The following LRP1B variants were observed in gnomAD, a reference collection of about 807,000 sequenced individuals.
LRP1B encodes low-density lipoprotein receptor-related protein 1B.
A neutral mutation model predicts 556.6 loss-of-function variants in LRP1B; 217 were observed. That is an observed-to-expected ratio of 0.39 (90% CI 0.35 to 0.44). The LOEUF is 0.44. Among genes scored for constraint, LRP1B ranks in the 20% least tolerant of loss-of-function variants. The pLI is 1.00. For missense variants in LRP1B, 5,053 were observed against 5,620.8 expected, an observed-to-expected ratio of 0.90 and a Z score of 3.23; for synonymous variants, 2,047 against 1,865.8, an observed-to-expected ratio of 1.10 and a Z score of -2.50.
rs550892448 is a variant in LRP1B, at chr2:141,963,081, C to A, written c.83-152680G>T. Among the ~76,000 whole-genome samples, 127 of 151,772 alleles carry A rather than the reference C, an allele frequency of 8.4e-4. No homozygotes were observed. The Middle Eastern group carries it at 0.014, about 16-fold the overall frequency. On this transcript the variant is annotated intron_variant, in intron 1 of 90. Coordinates refer to ENST00000389484, the MANE Select transcript of LRP1B (RefSeq NM_018557.3). ...GAGAACACAAGAGGGTTTTTTCTAT[C>A]TAAAAATCAATTATAGGCCAAAAAT...
intron 1 of LRP1B, among the ~76,000 whole-genome samples, chr2:141,887,519 G>GA (rs1254661032): frequency 6.6e-6 from 1 of 151,514 alleles, no homozygotes; most frequent in Non-Finnish European, 1.5e-5. Flanking sequence ...ATCATTTTTT[G>GA]AAAAAAATGA....
intron 1 of LRP1B, among the ~76,000 whole-genome samples, chr2:142,017,118 T>C (rs1362415549): frequency 6.6e-6 from 1 of 151,786 alleles, no homozygotes; most frequent in Non-Finnish European, 1.5e-5. Flanking sequence ...AAAATACTGA[T>C]ACTTGATAGA....
At chr2:141,016,859 T>C (rs1486829601) in intron 12 of LRP1B, among the ~76,000 whole-genome samples, 1 of 152,062 alleles carries the variant, frequency 6.6e-6, no homozygotes, top group East Asian at 1.9e-4. Context: ...TTAGATCCCC[T>C]GCCTCCCCCA....
chr2:141,986,765 G>C (rs1702198910), intron 1 of LRP1B, among the ~76,000 whole-genome samples: 1 of 151,930 alleles, frequency 6.6e-6, no homozygotes, highest in Admixed American at 6.6e-5. Flanking sequence ...TCTGCATCTA[G>C]TTCTACAAAA....
At chr2:141,299,136 C>T (rs905539644) in intron 3 of LRP1B, among the ~76,000 whole-genome samples, 7 of 152,000 alleles carry the variant, frequency 4.6e-5, no homozygotes, top group African/African-American at 1.2e-4. Flanking sequence ...ACAGTGTCCT[C>T]GAACTTCAGT....
intron 41 of LRP1B, among the ~76,000 whole-genome samples, chr2:140,624,351 C>G (rs538835044): frequency 6.6e-6 from 1 of 152,088 alleles, no homozygotes; most frequent in Non-Finnish European, 1.5e-5. Flanking sequence ...TTATCAAGAA[C>G]GTTGGCATCG....
chr2:141,889,742 A>G (rs1040135701), intron 1 of LRP1B, among the ~76,000 whole-genome samples: 1 of 152,180 alleles, frequency 6.6e-6, no homozygotes, highest in African/African-American at 2.4e-5. Flanking sequence ...AAATTACTCT[A>G]GCCTAATAAT....
chr2:142,059,441 G>A (rs938207597), intron 1 of LRP1B, among the ~76,000 whole-genome samples: 4 of 152,062 alleles, frequency 2.6e-5, no homozygotes, highest in Non-Finnish European at 5.9e-5. Flanking sequence ...CATACTAATT[G>A]ACAAAATGGT....
At chr2:141,661,833 C>T (rs184960341) in intron 2 of LRP1B, among the ~76,000 whole-genome samples, 23 of 152,168 alleles carry the variant, frequency 1.5e-4, no homozygotes, top group African/African-American at 4.8e-4. Flanking sequence ...CCAGAGAACC[C>T]CAGTAAGAAA....
Position 140,320,424 on chromosome 2 carries a change from T to C in LRP1B, c.12640+1539A>G, listed in dbSNP as rs556424621. On this transcript the variant is annotated intron_variant, in intron 82 of 90. Transcript: ENST00000389484. The stretch of plus-strand genomic sequence containing the variant: ...CAGCAGAGAACAAAGAGAAAAATCA[T>C]GCAGAGGTGGAGATGCTGACTGTGA... Among the ~76,000 whole-genome samples, 32 of 152,228 alleles carry C rather than the reference T, an allele frequency of 2.1e-4. No homozygotes were observed. In the South Asian group the frequency reaches 2.7e-3, roughly 13 times the overall value.
chr2:141,531,476 G>A (rs1229748948), intron 2 of LRP1B, among the ~76,000 whole-genome samples: 2 of 151,916 alleles, frequency 1.3e-5, no homozygotes, highest in South Asian at 2.1e-4. Flanking sequence ...TCATAAAATC[G>A]ACTGTGTCAT....
chr2:140,813,122 T>C (rs1423668259), intron 32 of LRP1B, among the ~76,000 whole-genome samples: 4 of 152,186 alleles, frequency 2.6e-5, no homozygotes, highest in East Asian at 3.9e-4. Flanking sequence ...ACCTAGCACC[T>C]TTTTTTCCCT....
chr2:140,857,624 G>A (rs1189984386), intron 27 of LRP1B, among the ~76,000 whole-genome samples: 1 of 152,068 alleles, frequency 6.6e-6, no homozygotes, highest in African/African-American at 2.4e-5. Context: ...AGGGAGCAAT[G>A]TTCCTCAAAT....
At chr2:140,499,195 T>C (rs1689077429) in intron 55 of LRP1B, among the ~76,000 whole-genome samples, 1 of 151,930 alleles carries the variant, frequency 6.6e-6, no homozygotes, top group Non-Finnish European at 1.5e-5. Flanking sequence ...CTGGATGATA[T>C]TGTCTTCTAC....
intron 1 of LRP1B, among the ~76,000 whole-genome samples, chr2:141,999,324 C>A (rs1253461374): frequency 6.6e-6 from 1 of 151,970 alleles, no homozygotes; most frequent in East Asian, 1.9e-4. Context: ...CCATCAGTTG[C>A]TTGGAAGGCT....
rs1286682057 is a variant in LRP1B, at chr2:141,544,352, C to CTT, written c.206-63821_206-63820dup. 2.5e-3 allele frequency among the ~76,000 whole-genome samples: 224 copies of CTT among 89,592 alleles called. 2 individuals are homozygous for CTT. The highest frequency in any genetic ancestry group is 2.7e-3 in the Non-Finnish European group (112 of 42,136). The allele number at this position is 89,592 out of a possible 152,430, so 58.8% of individuals were successfully genotyped here. On this transcript the variant is annotated intron_variant, in intron 2 of 90. Coordinates refer to ENST00000389484, the MANE Select transcript of LRP1B (RefSeq NM_018557.3). ...TCTTCTTCTTCTTCTTCTTCTTCTT[C>CTT]TTCTTCTTCTTCTTCTTCTTCTTCT... is the stretch of plus-strand genomic sequence containing the variant.
chr2:141,253,134 T>C (rs924729986), intron 4 of LRP1B, among the ~76,000 whole-genome samples: 4 of 152,132 alleles, frequency 2.6e-5, no homozygotes, highest in Non-Finnish European at 4.4e-5. Flanking sequence ...GCCAAACACG[T>C]ACGAATGGCA....
chr2:141,634,039 T>C (rs1008428317), intron 2 of LRP1B, among the ~76,000 whole-genome samples: 1 of 127,930 alleles, frequency 7.8e-6, no homozygotes, highest in African/African-American at 2.7e-5. Context: ...AATGCTTTCT[T>C]TTTTTTTTCA....
intron 36 of LRP1B, 118 bp downstream of exon 36, chr2:140,716,564 T>C (rs926105801): frequency 1.8e-5 from 18 of 1,006,098 alleles, no homozygotes; most frequent in Non-Finnish European, 2.6e-5. Flanking sequence ...TATTTACCCC[T>C]GTGGCTAGAA....
Sources: gnomAD v4.1 joint callset for allele counts (sites outside exome capture counted in the v4.1 genomes callset) on GRCh38, gnomAD v4.1.1 for gene constraint, MANE v1.5 for transcripts, NCBI Gene and HGNC (gene_info 2026-07-23, HGNC 2026-07-21) for gene names.